Variants in OVCH1 observed in about 807,000 individuals in gnomAD.
OVCH1 encodes the protein ovochymase-1.
In OVCH1, 139 loss-of-function variants were observed where a neutral mutation model predicts 138.4. That is an observed-to-expected ratio of 1.00 (90% confidence interval 0.87 to 1.16). OVCH1 has a LOEUF of 1.16. OVCH1 is among the 50% of genes most tolerant of loss of function. OVCH1 has a pLI of 0.00. For missense variants in OVCH1, 1,367 were observed against 1,357.9 expected (o/e 1.01, Z -0.11); for synonymous variants, 453 against 467.8 (o/e 0.97, Z 0.41).
chr12:29,470,608 C>T (rs1258032915), intron 16 of OVCH1, among the ~76,000 whole-genome samples: 1 of 152,100 alleles, frequency 6.6e-6, no homozygotes. Context: ...TTTCTTTAAC[C>T]AATCTATCAT....
chr12:29,471,483 G>A (rs924682470), intron 16 of OVCH1, among the ~76,000 whole-genome samples: 1 of 152,202 alleles, frequency 6.6e-6, no homozygotes, highest in Non-Finnish European at 1.5e-5. Flanking sequence ...AGGGGAACAT[G>A]AGAGGAGTCT....
downstream of OVCH1, among the ~76,000 whole-genome samples, chr12:29,408,068 A>C (rs1442561922): frequency 7.2e-6 from 1 of 138,998 alleles, no homozygotes; most frequent in Non-Finnish European, 1.7e-5. Flanking sequence ...TCTTTAAAGC[A>C]GTTGTGAATG....
In OVCH1 at chr12:29,477,148, G is replaced by C. The variant is rs7975356; in HGVS notation, c.1331C>G (p.Thr444Arg). The C allele has an allele frequency of 6.2e-7, 1 of 1,612,882 alleles. No individual in the cohort carries two copies. Among genetic ancestry groups the C allele is most frequent in the Non-Finnish European group, 8.5e-7 (1 of 1,179,474 alleles). Residue 444 changes from threonine (T) to arginine (R), a missense_variant, in exon 12 of 28, where the codon ACA (threonine) becomes AGA (arginine). By Grantham distance (71) the Thr-to-Arg change is moderately conservative. Transcript: ENST00000318184. ...AGCACAAATGAACCAATGACACCTT[G>C]TGTTACTGGGATACAAATCAGGATA... is the stretch of plus-strand genomic sequence containing the variant.
In OVCH1 at chr12:29,478,984, G is replaced by A; in HGVS notation, c.996-76C>T. On this transcript the variant is annotated intron_variant, in intron 8 of 27. Coordinates refer to ENST00000318184, the Ensembl canonical transcript of OVCH1. ...AACATATAAGCTGGGGTAGGGGAAGGTGAAGAAAATGTAATAAATGGAAGA... is the reference window on the plus strand; with the variant it reads ...AACATATAAGCTGGGGTAGGGGAAGATGAAGAAAATGTAATAAATGGAAGA... 1 of 1,037,346 alleles carries A rather than the reference G, an allele frequency of 9.6e-7. No homozygotes were observed. Among genetic ancestry groups the A allele is most frequent in the Non-Finnish European group, 1.4e-6 (1 of 735,632 alleles). The allele number at this position is 1,037,346 out of a possible 1,614,324, so 64.3% of individuals were successfully genotyped here.
chr12:29,450,114 C>T (rs1490353794), intron 22 of OVCH1, among the ~76,000 whole-genome samples: 1 of 152,144 alleles, frequency 6.6e-6, no homozygotes, highest in Non-Finnish European at 1.5e-5. Flanking sequence ...TGGGCAAAGA[C>T]TTCATGACTG....
At chr12:29,486,302 T>C (rs1416642688) in exon 8 of OVCH1, 6 of 1,613,746 alleles carry the variant, frequency 3.7e-6, no homozygotes, top group South Asian at 2.2e-5. Flanking sequence ...GGGCCTTTGT[T>C]ATATACCTTG....
chr12:29,446,194 T>C (rs1329027457), intron 22 of OVCH1, among the ~76,000 whole-genome samples: 2 of 152,088 alleles, frequency 1.3e-5, no homozygotes, highest in Non-Finnish European at 2.9e-5. Flanking sequence ...TTTTCACTAC[T>C]GAATCCTCAG....
At position 29,487,780 on chromosome 12, in the gene OVCH1, C is replaced by T. The variant is rs555177737; in HGVS notation, c.805G>A (p.Val269Ile). The T allele has an allele frequency of 9.6e-5, 154 of 1,605,860 alleles. No homozygotes were observed. The highest frequency in any genetic ancestry group is 1.2e-4 in the Non-Finnish European group (139 of 1,175,196). ...GATGCCTTCACATGGTTGTTTCTTA[C>T]GGGAACTGAACCTCCAGCACAACCA... The change falls in exon 7 of 28, where the codon GTA (valine) becomes ATA (isoleucine). Residue 269 changes from valine to isoleucine, a missense_variant. Coordinates refer to ENST00000318184, the Ensembl canonical transcript of OVCH1.
intron 14 of OVCH1, 71 bp downstream of exon 14, chr12:29,474,990 A>T: frequency 6.7e-7 from 1 of 1,484,946 alleles, no homozygotes. Flanking sequence ...TGAGGTAAAC[A>T]TGGCTAAATT....
intron 19 of OVCH1, 177 bp downstream of exon 19, chr12:29,461,677 C>T: frequency 1.2e-6 from 1 of 832,976 alleles, no homozygotes. Context: ...TCTGACATCT[C>T]AGCAAATTCG....
downstream of OVCH1, chr12:29,423,179 C>A (rs1386188598): frequency 2.2e-6 from 1 of 452,628 alleles, no homozygotes; most frequent in East Asian, 7.0e-5. Flanking sequence ...GCTCCTGAAT[C>A]ATCTCTTCTA....
rs759257382 is a variant in OVCH1, at chr12:29,478,826, C to T, written c.1069+9G>A. 3.2e-6 allele frequency: 5 copies of T among 1,553,876 alleles called. No homozygotes were observed. In the South Asian group the frequency reaches 3.7e-5, roughly 11 times the overall value. On this transcript the variant is annotated intron_variant, in intron 9 of 27. Coordinates refer to ENST00000318184, the Ensembl canonical transcript of OVCH1. Reference sequence around the variant, plus strand: ...AAATGACAAATAAAAACAAATGTAACATACTTACTAAAAAGCACTCCACTG... The same window carrying T: ...AAATGACAAATAAAAACAAATGTAATATACTTACTAAAAAGCACTCCACTG...
chr12:29,444,427 A>G (rs1488607750), intron 23 of OVCH1, 147 bp from the exon 24 acceptor site: 3 of 843,660 alleles, frequency 3.6e-6, no homozygotes, highest in Non-Finnish European at 5.3e-6. Context: ...GTTTCACTGA[A>G]AATTTTCTCC....
At chr12:29,464,536 G>A in exon 18 of OVCH1, 1 of 1,613,450 alleles carries the variant, frequency 6.2e-7, no homozygotes. Flanking sequence ...TCCGGTCACA[G>A]CACAGATCTC....
chr12:29,438,467 A>G (rs76179377), intron 26 of OVCH1, among the ~76,000 whole-genome samples: 1 of 2,280 alleles, frequency 4.4e-4, no homozygotes, highest in South Asian at 0.17. Flanking sequence ...ATCCCTCCAG[A>G]AAAAAAAAAA....
chr12:29,453,909 A>G (rs191164042), intron 21 of OVCH1, among the ~76,000 whole-genome samples: 219 of 152,188 alleles, frequency 1.4e-3, no homozygotes, highest in Non-Finnish European at 1.5e-3. Flanking sequence ...CAGCAATCCT[A>G]CTATATCTTT....
intron 16 of OVCH1, among the ~76,000 whole-genome samples, chr12:29,467,241 A>G (rs146859139): frequency 3.9e-5 from 6 of 152,304 alleles, no homozygotes; most frequent in African/African-American, 1.4e-4. Context: ...CCACATCTTT[A>G]TATAGAAGAG....
chr12:29,413,742 T>G (rs7975106), intron 3 of OVCH1, among the ~76,000 whole-genome samples: 85,515 of 151,860 alleles, frequency 0.56, 26,135 homozygotes, highest in Middle Eastern at 0.78. Flanking sequence ...TTTACATACT[T>G]TAATGCTTCA....
chr12:29,419,691 C>G (rs1941077718), intron 3 of OVCH1, among the ~76,000 whole-genome samples: 1 of 152,012 alleles, frequency 6.6e-6, no homozygotes, highest in Admixed American at 6.6e-5. Context: ...ATATAATGGC[C>G]TCTGAAAGAT....
Sources: gnomAD v4.1 joint callset for allele counts (sites outside exome capture counted in the v4.1 genomes callset) on GRCh38, gnomAD v4.1.1 for gene constraint, MANE v1.5 for transcripts, NCBI Gene and HGNC (gene_info 2026-07-23, HGNC 2026-07-21) for gene names.